The following NUDT18 variants were observed in gnomAD, a reference collection of about 807,000 sequenced individuals.
NUDT18 encodes nudix hydrolase 18.
A neutral mutation model predicts 27.6 loss-of-function variants in NUDT18; 26 were observed. The ratio of observed to expected loss-of-function variants is 0.94; its 90% CI spans 0.69 to 1.31. The LOEUF (loss-of-function observed/expected upper bound fraction) is 1.31. NUDT18 is among the 50% of genes most tolerant of loss of function. NUDT18 has a pLI of 0.00. For missense variants in NUDT18, 450 were observed against 433.4 expected (o/e 1.04, Z -0.34); for synonymous variants, 220 against 196.9 (o/e 1.12, Z -0.98).
Position 22,107,211 on chromosome 8 carries a change from A to G in NUDT18, c.*89T>C. The stretch of plus-strand genomic sequence containing the variant: ...TGCTCCCAATGCAACAAGATCCCTG[A>G]TCGCCAGCCTCTTGCCTCCCTCAGA... On this transcript the variant is annotated 3_prime_UTR_variant, in exon 3 of 3. Transcript: ENST00000611621. 1 of 997,076 alleles carries G rather than the reference A, an allele frequency of 1.0e-6. No homozygotes were observed. Among genetic ancestry groups the G allele is most frequent in the Non-Finnish European group, 1.5e-6 (1 of 684,818 alleles). 61.8% of individuals were successfully genotyped at this position (997,076 alleles called of 1,614,324 possible).
chr8:22,108,832 C>G (rs1286898786), intron 1 of NUDT18, among the ~76,000 whole-genome samples: 1 of 152,194 alleles, frequency 6.6e-6, no homozygotes, highest in Non-Finnish European at 1.5e-5. Flanking sequence ...GCATCAGCAC[C>G]AAAGGCCTGA....
At position 22,108,284 on chromosome 8, in the gene NUDT18, C is replaced by G; in HGVS notation, c.225G>C (p.Ala75=). The G allele has an allele frequency of 1.3e-6, 2 of 1,595,286 alleles. No individual in the cohort carries two copies. Among genetic ancestry groups the G allele is most frequent in the Non-Finnish European group, 1.7e-6 (2 of 1,172,134 alleles). The change falls in exon 2 of 3, where the codon GCG becomes GCC. Residue 75 remains alanine, a synonymous_variant. Transcript: ENST00000611621. ...TGGTCTCCCCTGGCTCCATTCTCCC[C>G]GCAGGCAGGTACCACGACCCCCGGC... ...RECRGSWYLP[A]GRMEPGETIV...
Position 22,109,207 on chromosome 8 carries a change from G to C in NUDT18, c.94C>G (p.Pro32Ala). The change falls in exon 1 of 3, where the codon CCG (proline) becomes GCG (alanine). Residue 32 changes from proline (P) to alanine (A), a missense_variant. Pro to Ala is a conservative substitution (Grantham distance 27, BLOSUM62 -1). Transcript: ENST00000611621. ...TTCCGCAGCCGCACGGGCGCCGGCG[G>C]CTCCCCGGCCGGCGCCGAGTCGCAG... ...HSCDSAPAGEPPAPVRLRKNV... is the reference protein window; with the variant it reads ...HSCDSAPAGEAPAPVRLRKNV... 6.9e-7 allele frequency: 1 copy of C among 1,444,148 alleles called. No homozygotes were observed. Among genetic ancestry groups the C allele is most frequent in the Non-Finnish European group, 9.0e-7 (1 of 1,108,356 alleles). 89.5% of individuals were successfully genotyped at this position (1,444,148 alleles called of 1,614,324 possible).
At position 22,107,182 on chromosome 8, in the gene NUDT18, C is replaced by T. The variant is rs1826378639; in HGVS notation, c.*118G>A. The T allele has an allele frequency of 1.4e-6, 1 of 739,430 alleles. No homozygotes were observed. Among genetic ancestry groups the T allele is most frequent in the African/African-American group, 1.8e-5 (1 of 56,268 alleles). The allele number at this position is 739,430 out of a possible 1,614,324, so 45.8% of individuals were successfully genotyped here. Reference sequence around the variant, plus strand: ...TCTCTCCTGGGGACCAGGAGAGCCGCCCCTGCTCCCAATGCAACAAGATCC... The same window carrying T: ...TCTCTCCTGGGGACCAGGAGAGCCGTCCCTGCTCCCAATGCAACAAGATCC... On this transcript the variant is annotated 3_prime_UTR_variant, in exon 3 of 3. Transcript: ENST00000611621.
intron 1 of NUDT18, 72 bp downstream of exon 1, chr8:22,109,067 T>A (rs1364548968): frequency 8.4e-7 from 1 of 1,188,348 alleles, no homozygotes; most frequent in African/African-American, 1.6e-5. Context: ...GCTGTGGCCG[T>A]TGGGTCTTCT....
At chr8:22,109,486 C>T, upstream of NUDT18, 1 of 524,858 alleles carries the variant, frequency 1.9e-6, no homozygotes, top group South Asian at 3.1e-5. Context: ...TGCGCGGCGC[C>T]GCGGCCTGCC....
chr8:22,106,886 A>T lies in NUDT18; in HGVS notation c.*414T>A. On this transcript the variant is annotated 3_prime_UTR_variant, in exon 3 of 3. Coordinates refer to ENST00000611621, the MANE Select transcript of NUDT18 (RefSeq NM_024815.4). Reference sequence around the variant, plus strand: ...TAGGCAGGGAGGCAAGGTGAGTAACACCTCTTTACTCAGCAACGTGCTCCT... The same window carrying T: ...TAGGCAGGGAGGCAAGGTGAGTAACTCCTCTTTACTCAGCAACGTGCTCCT... The T allele has an allele frequency of 6.2e-6, 1 of 162,544 alleles. No homozygotes were observed. Among genetic ancestry groups the T allele is most frequent in the African/African-American group, 2.4e-5 (1 of 41,740 alleles). 10.1% of individuals were successfully genotyped at this position (162,544 alleles called of 1,614,324 possible). A position where few individuals can be genotyped will look rare whatever the true frequency, so the allele number is the denominator to read the frequency against.
rs1162182266 is a variant in NUDT18, at chr8:22,107,565, C to T, written c.707G>A (p.Arg236Gln). 1.9e-5 allele frequency: 30 copies of T among 1,612,982 alleles called. No individual in the cohort carries two copies. Among genetic ancestry groups the T allele is most frequent in the East Asian group, 8.9e-5 (4 of 44,896 alleles). ...CAGGGTCAGACACTCCTGCAGCAGCCGCAGGACGGCCATCTTCATGCCACC... is the reference window on the plus strand; with the variant it reads ...CAGGGTCAGACACTCCTGCAGCAGCTGCAGGACGGCCATCTTCATGCCACC... ...QRGGMKMAVL[R>Q]LLQECLTLHH... Residue 236 changes from arginine (R) to glutamine (Q), a missense_variant, in exon 3 of 3, where the codon CGG becomes CAG. By Grantham distance (43) the Arg-to-Gln change is conservative. Transcript: ENST00000611621.
Position 22,109,393 on chromosome 8 carries a change from T to TGCGGAGCCCGCTCCCAGTCCCG in NUDT18, c.-94_-93insCGGGACTGGGAGCGGGCTCCGC. 1.6e-6 allele frequency: 2 copies of TGCGGAGCCCGCTCCCAGTCCCG among 1,221,960 alleles called. No individual in the cohort carries two copies. The highest frequency in any genetic ancestry group is 2.1e-6 in the Non-Finnish European group (2 of 949,098). The allele number at this position is 1,221,960 out of a possible 1,614,324, so 75.7% of individuals were successfully genotyped here. On this transcript the variant is annotated 5_prime_UTR_variant, in exon 1 of 3. Coordinates refer to ENST00000611621, the MANE Select transcript of NUDT18 (RefSeq NM_024815.4). Reference sequence around the variant, plus strand: ...CGCTGCGGAGCCCGCTCCCAGTCCCTGCGGCAGCGGGCCGGGAGCTCACGA... The same window carrying TGCGGAGCCCGCTCCCAGTCCCG: ...CGCTGCGGAGCCCGCTCCCAGTCCCTGCGGAGCCCGCTCCCAGTCCCGGCGGCAGCGGGCCGGGAGCTCACGA...
In NUDT18 at chr8:22,107,152, A is replaced by G. The variant is rs1826377653; in HGVS notation, c.*148T>C. 1.6e-6 allele frequency: 1 copy of G among 626,552 alleles called. No homozygotes were observed. 38.8% of individuals were successfully genotyped at this position (626,552 alleles called of 1,614,324 possible). ...GTGCAATCTAGAGGAATGCTCCTCA[A>G]AGCATCTCTCCTGGGGACCAGGAGA... On this transcript the variant is annotated 3_prime_UTR_variant, in exon 3 of 3. Coordinates refer to ENST00000611621, the MANE Select transcript of NUDT18 (RefSeq NM_024815.4).
rs769917290 is a variant in NUDT18, at chr8:22,108,349, G to C, written c.163-3C>G. 1 of 1,559,812 alleles carries C rather than the reference G, an allele frequency of 6.4e-7. No homozygotes were observed. The highest frequency in any genetic ancestry group is 8.7e-7 in the Non-Finnish European group (1 of 1,154,032). On this transcript the variant is annotated splice_polypyrimidine_tract_variant and splice_region_variant and intron_variant, in intron 1 of 2. Coordinates refer to ENST00000611621, the MANE Select transcript of NUDT18 (RefSeq NM_024815.4). ...TCCTGGATCAGTAGCACCTCATCCTGAGAGGAGAGAGGATCCTCACTTCCT... is the reference window on the plus strand; with the variant it reads ...TCCTGGATCAGTAGCACCTCATCCTCAGAGGAGAGAGGATCCTCACTTCCT...
rs2131741412 is a variant in NUDT18, at chr8:22,108,650, T to C, written c.163-304A>G. Among the ~76,000 whole-genome samples, 4 of 152,354 alleles carry C rather than the reference T, an allele frequency of 2.6e-5. 1 individual carries two copies. In the Middle Eastern group the frequency reaches 0.01, roughly 389 times the overall value. On this transcript the variant is annotated intron_variant, in intron 1 of 2. Coordinates refer to ENST00000611621, the MANE Select transcript of NUDT18 (RefSeq NM_024815.4). Reference sequence around the variant, plus strand: ...CATGTGTCTGTCTGTCTTGGATTGATTTGCGTCTGTACCTGCCACTGTGTA... The same window carrying C: ...CATGTGTCTGTCTGTCTTGGATTGACTTGCGTCTGTACCTGCCACTGTGTA...
In NUDT18 at chr8:22,107,083, T is replaced by C. The variant is rs1586358494; in HGVS notation, c.*217A>G. 1.8e-6 allele frequency: 1 copy of C among 543,200 alleles called. No homozygotes were observed. Among genetic ancestry groups the C allele is most frequent in the East Asian group, 3.1e-5 (1 of 32,490 alleles). 33.6% of individuals were successfully genotyped at this position (543,200 alleles called of 1,614,324 possible). A position where few individuals can be genotyped will look rare whatever the true frequency, so the allele number is the denominator to read the frequency against. On this transcript the variant is annotated 3_prime_UTR_variant, in exon 3 of 3. Coordinates refer to ENST00000611621, the MANE Select transcript of NUDT18 (RefSeq NM_024815.4). ...TCAGCGTGCCCTCAGGGTAGTCAGG[T>C]CCTGAGCTTTGGACTCCTCGCTTGG...
rs919824139 is a variant in NUDT18 at position 22,106,939 on chromosome 8, T to G, written c.*361A>C. 3 of 194,188 alleles carry G rather than the reference T, an allele frequency of 1.5e-5. No homozygotes were observed. The highest frequency in any genetic ancestry group is 3.2e-5 in the Non-Finnish European group (3 of 95,010). The allele number at this position is 194,188 out of a possible 1,614,324, so 12.0% of individuals were successfully genotyped here. A position where few individuals can be genotyped will look rare whatever the true frequency, so the allele number is the denominator to read the frequency against. On this transcript the variant is annotated 3_prime_UTR_variant, in exon 3 of 3. Transcript: ENST00000611621. ...CTCGGGGGACCTTCCCCAGTGCCCC[T>G]CCATGCTCGAAGGGCCTGGAAGGAT... is the stretch of plus-strand genomic sequence containing the variant.
chr8:22,109,442 C>G, upstream of NUDT18: 1 of 673,392 alleles, frequency 1.5e-6, no homozygotes, highest in Non-Finnish European at 2.2e-6. Flanking sequence ...CACGCGAACG[C>G]GGAAGCGCAC....
At position 22,107,635 on chromosome 8, in the gene NUDT18, G is replaced by C. The variant is rs1052467768; in HGVS notation, c.637C>G (p.His213Asp). The C allele has an allele frequency of 6.2e-7, 1 of 1,613,240 alleles. No individual in the cohort carries two copies. Among genetic ancestry groups the C allele is most frequent in the East Asian group, 2.2e-5 (1 of 44,886 alleles). The change falls in exon 3 of 3, where the codon CAC (histidine) becomes GAC (aspartate). Residue 213 changes from histidine to aspartate, a missense_variant. Transcript: ENST00000611621. ...AGGCCACAGGCAGTGACAGGCAAGT[G>C]AGGCATCCCCACTGTGCCCACTAAC... ...WVLVGTVGMP[H>D]LPVTACGLDP... is the part of the protein sequence containing the mutation.
rs536731845 is a variant in NUDT18, at chr8:22,108,307, G to T, written c.202C>A (p.Arg68=). The T allele has an allele frequency of 4.5e-5, 72 of 1,587,674 alleles. No individual in the cohort carries two copies. Among genetic ancestry groups the T allele is most frequent in the Non-Finnish European group, 6.1e-5 (71 of 1,168,920 alleles). Residue 68 remains arginine (R), a synonymous_variant, in exon 2 of 3, where the codon CGG becomes AGG. Coordinates refer to ENST00000611621, the MANE Select transcript of NUDT18 (RefSeq NM_024815.4). ...CCCGCAGGCAGGTACCACGACCCCC[G>T]GCACTCCCTCTTGGCCTCCTGGATC... ...LLIQEAKREC[R]GSWYLPAGRM... is the part of the protein sequence containing the mutation.
chr8:22,109,378 C>CCCGCTCCCAGTCCCTGCGGGGA lies in NUDT18; in HGVS notation c.-79_-78insTCCCCGCAGGGACTGGGAGCGG. The CCCGCTCCCAGTCCCTGCGGGGA allele has an allele frequency of 8.4e-7, 1 of 1,195,274 alleles. No individual in the cohort carries two copies. Among genetic ancestry groups the CCCGCTCCCAGTCCCTGCGGGGA allele is most frequent in the Non-Finnish European group, 1.1e-6 (1 of 931,084 alleles). 74.0% of individuals were successfully genotyped at this position (1,195,274 alleles called of 1,614,324 possible). ...CCGCGGGCTAGAGTGCGCTGCGGAGCCCGCTCCCAGTCCCTGCGGCAGCGG... is the reference window on the plus strand; with the variant it reads ...CCGCGGGCTAGAGTGCGCTGCGGAGCCCGCTCCCAGTCCCTGCGGGGACCGCTCCCAGTCCCTGCGGCAGCGG... On this transcript the variant is annotated 5_prime_UTR_variant, in exon 1 of 3. Coordinates refer to ENST00000611621, the MANE Select transcript of NUDT18 (RefSeq NM_024815.4).
intron 1 of NUDT18, 113 bp from the exon 2 acceptor site, chr8:22,108,459 C>T: frequency 1.1e-6 from 1 of 886,288 alleles, no homozygotes; most frequent in Non-Finnish European, 1.7e-6. Context: ...ACTCTCAACC[C>T]AGCTAGCGCT....
Sources: gnomAD v4.1 joint callset for allele counts (sites outside exome capture counted in the v4.1 genomes callset) on GRCh38, gnomAD v4.1.1 for gene constraint, MANE v1.5 for transcripts, NCBI Gene and HGNC (gene_info 2026-07-23, HGNC 2026-07-21) for gene names.